Variants in DEPDC1B observed in about 807,000 individuals in gnomAD.
The protein encoded by DEPDC1B is DEP domain-containing protein 1B.
Under a neutral mutation model 66.5 loss-of-function variants are expected in DEPDC1B, and 51 were observed. The ratio of observed to expected loss-of-function variants is 0.77; its 90% CI spans 0.61 to 0.97. The LOEUF is 0.97. Ranked by LOEUF, DEPDC1B falls within the 50% of genes least tolerant of loss-of-function variation. The pLI is 0.00. For synonymous variants in DEPDC1B, 226 were observed against 223.6 expected, an observed-to-expected ratio of 1.01 and a Z score of -0.10; for missense variants, 552 against 637.1, an observed-to-expected ratio of 0.87 and a Z score of 1.44.
chr5:60,686,860 G>C (rs952937571), intron 2 of DEPDC1B, 102 bp downstream of exon 2: 1 of 1,426,136 alleles, frequency 7.0e-7, no homozygotes, highest in African/African-American at 1.4e-5. Flanking sequence ...ACTGTTCAGT[G>C]AACAAGGTAA....
chr5:60,671,863 T>C (rs1754047881), intron 2 of DEPDC1B, among the ~76,000 whole-genome samples: 1 of 152,204 alleles, frequency 6.6e-6, no homozygotes, highest in South Asian at 2.1e-4. Flanking sequence ...CAGACACCAA[T>C]AGGTAACAAA....
At chr5:60,626,239 T>G (rs1012097065) in intron 7 of DEPDC1B, among the ~76,000 whole-genome samples, 5 of 152,190 alleles carry the variant, frequency 3.3e-5, no homozygotes, top group African/African-American at 1.2e-4. Flanking sequence ...TCCAAGTTGT[T>G]GTAGCATGCA....
chr5:60,663,621 T>C (rs1329415366), intron 2 of DEPDC1B, among the ~76,000 whole-genome samples: 1 of 152,218 alleles, frequency 6.6e-6, no homozygotes, highest in East Asian at 1.9e-4. Flanking sequence ...TCACCTGGAC[T>C]GTTTTACCCC....
intron 2 of DEPDC1B, among the ~76,000 whole-genome samples, chr5:60,665,758 G>A (rs148312766): frequency 7.6e-4 from 115 of 152,296 alleles, no homozygotes; most frequent in African/African-American, 2.5e-3. Context: ...AGCCTAGCTG[G>A]GAAAGGTGAC....
Position 60,700,084 on chromosome 5 carries a change from G to T in DEPDC1B, c.10C>A (p.Arg4Ser). Residue 4 changes from arginine to serine, a missense_variant, in exon 1 of 11, where the codon CGC becomes AGC. Physicochemically the swap from Arg to Ser is moderately radical, Grantham distance 110. Transcript: ENST00000265036. MEH[R>S]IVGPGPYRAT... ...CGGTACGGCCCGGGCCCCACGATGC[G>T]ATGCTCCATGGCGCGTAGGCAGCAG... The T allele has an allele frequency of 6.4e-7, 1 of 1,556,938 alleles. No homozygotes were observed. Among genetic ancestry groups the T allele is most frequent in the Non-Finnish European group, 8.7e-7 (1 of 1,152,848 alleles).
At chr5:60,682,440 C>A (rs921347319) in intron 2 of DEPDC1B, among the ~76,000 whole-genome samples, 112 of 152,252 alleles carry the variant, frequency 7.4e-4, no homozygotes, top group African/African-American at 2.6e-3. Flanking sequence ...GGGTGCAGCA[C>A]ACCAACATGA....
At chr5:60,600,995 G>T (rs1752189550) in intron 9 of DEPDC1B, among the ~76,000 whole-genome samples, 1 of 152,186 alleles carries the variant, frequency 6.6e-6, no homozygotes, top group South Asian at 2.1e-4. Flanking sequence ...GAGTTCTCAT[G>T]AGATCTGATG....
chr5:60,692,117 C>G (rs1019482505), intron 1 of DEPDC1B, among the ~76,000 whole-genome samples: 2 of 152,020 alleles, frequency 1.3e-5, no homozygotes, highest in Admixed American at 1.3e-4. Flanking sequence ...CTCATTTATA[C>G]GTGGAATCTA....
Position 60,652,157 on chromosome 5 carries a change from A to G in DEPDC1B, c.315-4624T>C, listed in dbSNP as rs1003523663. Among the ~76,000 whole-genome samples, 6 of 149,434 alleles carry G rather than the reference A, an allele frequency of 4.0e-5. 2 individuals are homozygous for G. Among genetic ancestry groups the G allele is most frequent in the African/African-American group, 1.5e-4 (6 of 39,730 alleles). ...GAAGAGTCATGAATATTTATGAAAGAAGAAATATGCACATGTGCAATTGCG... is the reference window on the plus strand; with the variant it reads ...GAAGAGTCATGAATATTTATGAAAGGAGAAATATGCACATGTGCAATTGCG... On this transcript the variant is annotated intron_variant, in intron 2 of 10. Coordinates refer to ENST00000265036, the MANE Select transcript of DEPDC1B (RefSeq NM_018369.3).
At chr5:60,658,325 G>C (rs1051734354) in intron 2 of DEPDC1B, among the ~76,000 whole-genome samples, 1 of 152,112 alleles carries the variant, frequency 6.6e-6, no homozygotes, top group Non-Finnish European at 1.5e-5. Flanking sequence ...GTTTGGATCC[G>C]TTGCTGGTGA....
In DEPDC1B at chr5:60,603,828, T is replaced by C. The variant is rs1213360459; in HGVS notation, c.1066-261A>G. 1.6e-4 allele frequency among the ~76,000 whole-genome samples: 7 copies of C among 42,500 alleles called. No homozygotes were observed. The East Asian group carries it at 6.0e-3, about 36-fold the overall frequency. The allele number at this position is 42,500 out of a possible 152,430, so 27.9% of individuals were successfully genotyped here. ...CCTTTTACACGATTTTAAATATACA[T>C]ATATATATATATATATATACACACA... On this transcript the variant is annotated intron_variant, in intron 8 of 10. Coordinates refer to ENST00000265036, the MANE Select transcript of DEPDC1B (RefSeq NM_018369.3).
rs527985408 is a variant in DEPDC1B at position 60,616,611 on chromosome 5, A to G, written c.899-10755T>C. 3.3e-5 allele frequency among the ~76,000 whole-genome samples: 5 copies of G among 152,290 alleles called. No homozygotes were observed. In the South Asian group the frequency reaches 1.0e-3, roughly 32 times the overall value. ...AAAAAAGAATAAAAAGAAACGAACA[A>G]AGCCTCCAAGAAATATGGGACTATG... On this transcript the variant is annotated intron_variant, in intron 7 of 10. Coordinates refer to ENST00000265036, the MANE Select transcript of DEPDC1B (RefSeq NM_018369.3).
At chr5:60,613,003 AC>A (rs1192515166) in intron 7 of DEPDC1B, among the ~76,000 whole-genome samples, 3 of 152,250 alleles carry the variant, frequency 2.0e-5, no homozygotes, top group Admixed American at 2.0e-4. Context: ...GCAACATGCT[AC>A]TTTTTAAATG....
intron 6 of DEPDC1B, 112 bp downstream of exon 6, chr5:60,642,700 G>A (rs140347720): frequency 1.6e-5 from 11 of 706,326 alleles, no homozygotes; most frequent in Non-Finnish European, 2.6e-5. Flanking sequence ...ATAATTAACT[G>A]CCAGTCTCAC....
chr5:60,619,740 A>G (rs1460449492), intron 7 of DEPDC1B, among the ~76,000 whole-genome samples: 2 of 152,228 alleles, frequency 1.3e-5, no homozygotes, highest in African/African-American at 4.8e-5. Flanking sequence ...ATTCAATGCC[A>G]TCCCCATCAA....
chr5:60,647,570 A>T lies in DEPDC1B; in HGVS notation c.315-37T>A, dbSNP rs747425468. ...GAAGAAATTCTCTATTACTGCAGTCAGTGGGAGACACAGATATTTTAACAA... is the reference window on the plus strand; with the variant it reads ...GAAGAAATTCTCTATTACTGCAGTCTGTGGGAGACACAGATATTTTAACAA... On this transcript the variant is annotated intron_variant, in intron 2 of 10. Coordinates refer to ENST00000265036, the MANE Select transcript of DEPDC1B (RefSeq NM_018369.3). 1.3e-5 allele frequency: 21 copies of T among 1,593,898 alleles called. No homozygotes were observed. In the South Asian group the frequency reaches 2.3e-4, roughly 18 times the overall value.
intron 9 of DEPDC1B, 144 bp downstream of exon 9, chr5:60,603,247 A>G (rs538608386): frequency 3.2e-6 from 2 of 634,360 alleles, no homozygotes; most frequent in African/African-American, 1.9e-5. Context: ...CATGCAGGGG[A>G]TTACTATGTG....
intron 2 of DEPDC1B, among the ~76,000 whole-genome samples, chr5:60,682,370 T>C (rs973779710): frequency 1.3e-5 from 2 of 151,978 alleles, no homozygotes; most frequent in Non-Finnish European, 2.9e-5. Context: ...TGTTGTGGGG[T>C]GCGGGGAGCA....
At chr5:60,636,675 G>A (rs1398374505) in intron 7 of DEPDC1B, among the ~76,000 whole-genome samples, 1 of 151,972 alleles carries the variant, frequency 6.6e-6, no homozygotes, top group Non-Finnish European at 1.5e-5. Context: ...GTATCTAGAA[G>A]GCCTTCTTCT....
Sources: allele counts gnomAD v4.1 joint callset (sites outside exome capture counted in the v4.1 genomes callset), GRCh38; gene constraint gnomAD v4.1.1; transcripts MANE v1.5; gene names NCBI Gene and HGNC (gene_info 2026-07-23, HGNC 2026-07-21).